Variants in NDE1 observed in about 807,000 individuals in gnomAD.
The protein encoded by NDE1 is nudE neurodevelopment protein 1.
Under a neutral mutation model 43.4 loss-of-function variants are expected in NDE1, and 28 were observed. The ratio of observed to expected loss-of-function variants is 0.65; its 90% CI spans 0.48 to 0.89. The LOEUF (loss-of-function observed/expected upper bound fraction) is 0.89, where lower values mean the gene tolerates loss of function less well. Among genes scored for constraint, NDE1 ranks in the 40% least tolerant of loss-of-function variants. The pLI, the probability that NDE1 is intolerant of heterozygous loss-of-function variation, is 0.00. For synonymous variants in NDE1, 184 were observed against 172.0 expected (o/e 1.07, Z -0.55); for missense variants, 441 against 434.1 (o/e 1.02, Z -0.14).
At position 15,659,010 on chromosome 16, in the gene NDE1, C is replaced by G. The variant is rs576828660; in HGVS notation, c.-43-5726C>G. On this transcript the variant is annotated intron_variant, in intron 1 of 8. Coordinates refer to ENST00000396354, the MANE Select transcript of NDE1 (RefSeq NM_017668.3). The stretch of plus-strand genomic sequence containing the variant: ...CTTGATCAAACTTTCAGAGAATCTG[C>G]TTTCCAGAGGGATGAGTGGGTCGGG... Among the ~76,000 whole-genome samples, 3 of 152,308 alleles carry G rather than the reference C, an allele frequency of 2.0e-5. No homozygotes were observed. In the East Asian group the frequency reaches 5.8e-4, roughly 29 times the overall value.
At chr16:15,651,366 C>T (rs2151388163) in intron 1 of NDE1, 1 of 150,962 alleles carries the variant, frequency 6.6e-6, no homozygotes, top group Non-Finnish European at 1.5e-5. Flanking sequence ...TAGATCCCAG[C>T]TACTCCTAAA....
intron 1 of NDE1, among the ~76,000 whole-genome samples, chr16:15,644,918 C>CTT (rs34053597): frequency 4.0e-4 from 52 of 129,594 alleles, no homozygotes; most frequent in African/African-American, 1.2e-3. Context: ...TTCCTTTTTA[C>CTT]TTTTTTTTTT....
chr16:15,643,741 G>A (rs546839124), exon 1 of NDE1: 1 of 213,668 alleles, frequency 4.7e-6, no homozygotes, highest in Non-Finnish European at 9.4e-6. Context: ...TTCTCGCAAA[G>A]TTGCGACCCA....
chr16:15,712,737 G>A (rs1450326829), intron 8 of NDE1, among the ~76,000 whole-genome samples: 2 of 152,006 alleles, frequency 1.3e-5, no homozygotes, highest in Non-Finnish European at 2.9e-5. Context: ...GTCCAGGGAA[G>A]CAAGTGAATT....
intron 5 of NDE1, 29 bp from the exon 6 acceptor site, chr16:15,691,115 T>TG (rs781396316): frequency 1.1e-5 from 17 of 1,613,782 alleles, no homozygotes; most frequent in Non-Finnish European, 1.4e-5. Flanking sequence ...GCTGAGGACT[T>TG]GAATTCCTGA....
chr16:15,717,611 A>G, intron 8 of NDE1: 1 of 575,008 alleles, frequency 1.7e-6, no homozygotes, highest in Non-Finnish European at 3.1e-6. Flanking sequence ...CCTGGCCAAC[A>G]TGGTGAAACC....
chr16:15,669,884 G>A (rs998745370), intron 3 of NDE1, among the ~76,000 whole-genome samples: 2 of 152,162 alleles, frequency 1.3e-5, no homozygotes, highest in Non-Finnish European at 2.9e-5. Context: ...AAAACCAAAA[G>A]CACCTCTAGA....
At position 15,694,191 on chromosome 16, in the gene NDE1, C is replaced by A. The variant is rs757803324; in HGVS notation, c.730C>A (p.Pro244Thr). Residue 244 changes from proline (P) to threonine (T), a missense_variant, in exon 7 of 9, where the codon CCC becomes ACC. Transcript: ENST00000396354. ...RGLDDSTGGT[P>T]LTPAARISAL... is the part of the protein sequence containing the mutation. ...CCTGGACGACTCCACCGGGGGGACC[C>A]CCCTCACACCTGCGGCCCGGATATC... The A allele has an allele frequency of 1.2e-6, 2 of 1,613,082 alleles. No individual in the cohort carries two copies. Among genetic ancestry groups the A allele is most frequent in the East Asian group, 2.2e-5 (1 of 44,862 alleles).
chr16:15,676,635 T>G (rs1306449216), intron 3 of NDE1, among the ~76,000 whole-genome samples: 2 of 152,042 alleles, frequency 1.3e-5, no homozygotes, highest in Non-Finnish European at 2.9e-5. Context: ...CATGCTGCCC[T>G]CCCATTGTTG....
In NDE1 at chr16:15,715,204, A is replaced by C. The variant is rs794728670; in HGVS notation, c.948-8987A>C. On this transcript the variant is annotated intron_variant, in intron 8 of 8. Coordinates refer to ENST00000396354, the MANE Select transcript of NDE1 (RefSeq NM_017668.3). Reference sequence around the variant, plus strand: ...CTCGGCCATCTTGCGCTCGTCCTCCACCTGCAGCAAGATTTCCTTCAGCTT... The same window carrying C: ...CTCGGCCATCTTGCGCTCGTCCTCCCCCTGCAGCAAGATTTCCTTCAGCTT... 1 of 1,613,922 alleles carries C rather than the reference A, an allele frequency of 6.2e-7. No individual in the cohort carries two copies. The highest frequency in any genetic ancestry group is 8.5e-7 in the Non-Finnish European group (1 of 1,180,002).
intron 4 of NDE1, among the ~76,000 whole-genome samples, chr16:15,686,196 C>T (rs1400520603): frequency 6.6e-6 from 1 of 152,148 alleles, no homozygotes; most frequent in East Asian, 1.9e-4. Context: ...AAGTGATCCG[C>T]CCGCCTCGGC....
intron 1 of NDE1, chr16:15,644,013 A>T (rs1009183370): frequency 2.0e-5 from 3 of 151,970 alleles, no homozygotes; most frequent in Non-Finnish European, 4.4e-5. Context: ...CACAATCTTC[A>T]CGTTTCCCTG....
chr16:15,699,230 TG>T (rs1396600971), intron 8 of NDE1, among the ~76,000 whole-genome samples: 1 of 151,148 alleles, frequency 6.6e-6, no homozygotes, highest in African/African-American at 2.4e-5. Flanking sequence ...TCCCAAGTGC[TG>T]GGGGTTACAA....
chr16:15,677,719 G>T, intron 3 of NDE1, 82 bp from the exon 4 acceptor site: 1 of 1,511,860 alleles, frequency 6.6e-7, no homozygotes, highest in Non-Finnish European at 9.1e-7. Context: ...GAGTAGCTGT[G>T]ACTCCAGGTG....
At chr16:15,718,804 AGAGG>A in intron 8 of NDE1, 1 of 417,938 alleles carries the variant, frequency 2.4e-6, no homozygotes, top group Non-Finnish European at 4.4e-6. Flanking sequence ...CCCCAATCTC[AGAGG>A]ACGCTTCGTC....
intron 8 of NDE1, chr16:15,704,256 C>G (rs2039333329): frequency 1.0e-6 from 1 of 968,964 alleles, no homozygotes; most frequent in African/African-American, 1.7e-5. Context: ...AGAAAACACA[C>G]ACGGCACAAA....
At chr16:15,708,969 G>A in intron 8 of NDE1, 2 of 1,004,162 alleles carry the variant, frequency 2.0e-6, no homozygotes, top group African/African-American at 3.2e-5. Context: ...TTTATTTTGA[G>A]ATAGTCTCTG....
chr16:15,717,624 GTC>G, intron 8 of NDE1: 1 of 554,734 alleles, frequency 1.8e-6, no homozygotes, highest in Non-Finnish European at 3.2e-6. Flanking sequence ...GTGAAACCCC[GTC>G]TCTATTAAAA....
upstream of NDE1, chr16:15,650,080 T>TGGCCG (rs1288270928): frequency 6.5e-6 from 1 of 152,696 alleles, no homozygotes; most frequent in Non-Finnish European, 1.5e-5. Context: ...CTTCGCCGCT[T>TGGCCG]GGCCGCGCCG....
Sources: gnomAD v4.1 joint callset for allele counts (sites outside exome capture counted in the v4.1 genomes callset) on GRCh38, gnomAD v4.1.1 for gene constraint, MANE v1.5 for transcripts, NCBI Gene and HGNC (gene_info 2026-07-23, HGNC 2026-07-21) for gene names.